PTPRT: variants seen among roughly 807,000 people sequenced by gnomAD.
PTPRT encodes the protein protein tyrosine phosphatase receptor type T, also known as receptor-type tyrosine-protein phosphatase T.
PTPRT carries 56 observed loss-of-function variants against 176.8 expected under a neutral mutation model. The observed-to-expected ratio is 0.32, with a 90% confidence interval of 0.26 to 0.40. The LOEUF (loss-of-function observed/expected upper bound fraction) is 0.40. Among genes scored for constraint, PTPRT ranks in the 10% least tolerant of loss-of-function variants. The probability of loss-of-function intolerance (pLI) is 1.00; values close to 1 mark genes in which losing one functional copy is unlikely to be tolerated. For missense variants in PTPRT, 1,540 were observed against 1,908.2 expected (o/e 0.81, Z 3.60); for synonymous variants, 783 against 739.0 (o/e 1.06, Z -0.96).
At chr20:42,601,267 C>A (rs2073776869) in intron 7 of PTPRT, among the ~76,000 whole-genome samples, 1 of 152,328 alleles carries the variant, frequency 6.6e-6, no homozygotes, top group Non-Finnish European at 1.5e-5. Flanking sequence ...CTCCAACATA[C>A]AATCTGCCTT....
chr20:42,354,205 T>C (rs2058327463), intron 9 of PTPRT, among the ~76,000 whole-genome samples: 1 of 152,220 alleles, frequency 6.6e-6, no homozygotes, highest in Admixed American at 6.5e-5. Flanking sequence ...CTTGCAATCC[T>C]ACTTGCCTAC....
chr20:42,688,825 T>C (rs1200565170), intron 6 of PTPRT, among the ~76,000 whole-genome samples: 2 of 152,196 alleles, frequency 1.3e-5, no homozygotes, highest in African/African-American at 4.8e-5. Flanking sequence ...GATATCATAT[T>C]CTGCCTAACT....
intron 1 of PTPRT, among the ~76,000 whole-genome samples, chr20:43,012,145 T>C (rs565618889): frequency 6.6e-6 from 1 of 152,302 alleles, no homozygotes. Flanking sequence ...GAGTCAATAC[T>C]CCTTAATAAA....
intron 7 of PTPRT, 56 bp from the exon 8 acceptor site, chr20:42,472,618 G>C: frequency 6.4e-7 from 1 of 1,556,598 alleles, no homozygotes; most frequent in Non-Finnish European, 8.7e-7. Flanking sequence ...GGGAAGCTGG[G>C]GTACATGTTC....
chr20:42,391,429 A>G (rs1183328175), intron 9 of PTPRT, among the ~76,000 whole-genome samples: 2 of 152,180 alleles, frequency 1.3e-5, no homozygotes, highest in Admixed American at 6.5e-5. Context: ...TGGCAGCCTC[A>G]GGAACTGGAG....
chr20:43,114,114 G>C lies in PTPRT; in HGVS notation c.88+75532C>G, dbSNP rs142096034. ...CAGAGGCATTTTTATTCTTCCCTAGGTATTATAAGGGAATAGATTATGTTC... is the reference window on the plus strand; with the variant it reads ...CAGAGGCATTTTTATTCTTCCCTAGCTATTATAAGGGAATAGATTATGTTC... On this transcript the variant is annotated intron_variant, in intron 1 of 30. Coordinates refer to ENST00000373187, the MANE Select transcript of PTPRT (RefSeq NM_007050.6). 4.3e-3 allele frequency among the ~76,000 whole-genome samples: 654 copies of C among 152,184 alleles called. 3 individuals are homozygous for C. Among genetic ancestry groups the C allele is most frequent in the African/African-American group, 0.015 (626 of 41,518 alleles).
At chr20:42,779,517 A>G (rs1293314158) in intron 4 of PTPRT, among the ~76,000 whole-genome samples, 1 of 152,152 alleles carries the variant, frequency 6.6e-6, no homozygotes, top group Non-Finnish European at 1.5e-5. Flanking sequence ...CCCCCAACCA[A>G]ATGTCACTGG....
intron 15 of PTPRT, among the ~76,000 whole-genome samples, chr20:42,215,135 A>G (rs557799964): frequency 3.3e-5 from 5 of 152,314 alleles, no homozygotes; most frequent in East Asian, 1.9e-4. Context: ...TGTGACCAGA[A>G]TTCATGGTTC....
intron 8 of PTPRT, among the ~76,000 whole-genome samples, chr20:42,469,129 T>A (rs1050198262): frequency 2.0e-5 from 3 of 152,108 alleles, no homozygotes; most frequent in Admixed American, 1.3e-4. Context: ...CCTTATAACA[T>A]GCTGGGTATT....
At chr20:42,797,643 T>C (rs1373308947) in intron 2 of PTPRT, among the ~76,000 whole-genome samples, 1 of 151,618 alleles carries the variant, frequency 6.6e-6, no homozygotes, top group Non-Finnish European at 1.5e-5. Flanking sequence ...TATGTTACCT[T>C]TCATGGCAAG....
At chr20:42,629,544 G>C (rs1279873475) in intron 7 of PTPRT, among the ~76,000 whole-genome samples, 1 of 152,160 alleles carries the variant, frequency 6.6e-6, no homozygotes, top group African/African-American at 2.4e-5. Flanking sequence ...CCCAACAATT[G>C]CTTGTTTTCT....
chr20:42,091,244 G>A (rs1454553110), intron 27 of PTPRT, among the ~76,000 whole-genome samples: 1 of 152,168 alleles, frequency 6.6e-6, no homozygotes, highest in African/African-American at 2.4e-5. Flanking sequence ...GGCTGTTTGG[G>A]CCATGAAAAG....
intron 1 of PTPRT, among the ~76,000 whole-genome samples, chr20:42,890,733 G>A (rs1217707317): frequency 6.6e-6 from 1 of 152,164 alleles, no homozygotes; most frequent in Non-Finnish European, 1.5e-5. Flanking sequence ...CGTTGCTGCA[G>A]GTGTTTATGG....
chr20:43,136,321 G>A (rs1383187931), intron 1 of PTPRT, among the ~76,000 whole-genome samples: 1 of 152,182 alleles, frequency 6.6e-6, no homozygotes, highest in African/African-American at 2.4e-5. Context: ...TTTGCATGTT[G>A]CCTCCTTCAA....
chr20:42,098,561 G>C lies in PTPRT; in HGVS notation c.3715-9C>G. On this transcript the variant is annotated splice_polypyrimidine_tract_variant and intron_variant, in intron 26 of 30. Coordinates refer to ENST00000373187, the MANE Select transcript of PTPRT (RefSeq NM_007050.6). ...GCAGGCTGCTTGTGGCTCTGACAAA[G>C]GAATGACACAGGCTTCGTAAATTAC... 1 of 1,614,018 alleles carries C rather than the reference G, an allele frequency of 6.2e-7. No homozygotes were observed. The highest frequency in any genetic ancestry group is 8.5e-7 in the Non-Finnish European group (1 of 1,179,988).
rs758866784 is a variant in PTPRT at position 42,572,916 on chromosome 20, G to GTT, written c.1154-100356_1154-100355dup. Among the ~76,000 whole-genome samples the GTT allele has an allele frequency of 4.8e-4, 56 of 116,752 alleles. 2 individuals are homozygous for GTT. Among genetic ancestry groups the GTT allele is most frequent in the Middle Eastern group, 4.4e-3 (1 of 228 alleles). 76.6% of individuals were successfully genotyped at this position (116,752 alleles called of 152,430 possible). On this transcript the variant is annotated intron_variant, in intron 7 of 30. Coordinates refer to ENST00000373187, the MANE Select transcript of PTPRT (RefSeq NM_007050.6). ...CCTTGACCTCTAACACTAGAGATAA[G>GTT]TTTTTGTTTTTTTTTTTTTTTAACA...
chr20:42,375,673 G>A (rs2058642536), intron 9 of PTPRT, among the ~76,000 whole-genome samples: 1 of 152,132 alleles, frequency 6.6e-6, no homozygotes, highest in Non-Finnish European at 1.5e-5. Flanking sequence ...ACTAAGAGAG[G>A]TGGTAACCAA....
chr20:42,370,919 C>T (rs1206362125), intron 9 of PTPRT, among the ~76,000 whole-genome samples: 7 of 152,182 alleles, frequency 4.6e-5, no homozygotes, highest in Non-Finnish European at 1.5e-5. Context: ...ACATCTTTCA[C>T]CAGAGGTTCT....
At chr20:42,658,306 G>A (rs1379952989) in intron 7 of PTPRT, among the ~76,000 whole-genome samples, 1 of 152,142 alleles carries the variant, frequency 6.6e-6, no homozygotes, top group Non-Finnish European at 1.5e-5. Context: ...CTGACAGCCA[G>A]CAGCCCTGTA....
Sources: gnomAD v4.1 joint callset for allele counts (sites outside exome capture counted in the v4.1 genomes callset) on GRCh38, gnomAD v4.1.1 for gene constraint, MANE v1.5 for transcripts, NCBI Gene and HGNC (gene_info 2026-07-23, HGNC 2026-07-21) for gene names.